Variants in TRIM36 observed in about 807,000 individuals in gnomAD.
The protein encoded by TRIM36 is tripartite motif containing 36.
Under a neutral mutation model 72.4 loss-of-function variants are expected in TRIM36, and 42 were observed. The ratio of observed to expected loss-of-function variants is 0.58; its 90% confidence interval spans 0.45 to 0.75. The LOEUF (loss-of-function observed/expected upper bound fraction) is 0.75, where lower values mean the gene tolerates loss of function less well. Among genes scored for constraint, TRIM36 ranks in the 30% least tolerant of loss-of-function variants. The probability of loss-of-function intolerance (pLI) is 0.00; values close to 1 mark genes in which losing one functional copy is unlikely to be tolerated. For synonymous variants in TRIM36, 315 were observed against 282.8 expected (o/e 1.11, Z -1.14); for missense variants, 913 against 857.1 (o/e 1.07, Z -0.81).
chr5:115,156,391 G>A (rs1434306202), intron 2 of TRIM36, among the ~76,000 whole-genome samples: 1 of 152,020 alleles, frequency 6.6e-6, no homozygotes, highest in Non-Finnish European at 1.5e-5. Context: ...AAATCTGAAG[G>A]CATCACATTG....
rs1386141427 is a variant in TRIM36, at chr5:115,125,838, G to A, written c.*665C>T. ...ATGCTTACTACCCATGCTGTTAAAT[G>A]AGTGTTATGGCTAAGCAGACTCTTA... is the stretch of plus-strand genomic sequence containing the variant. On this transcript the variant is annotated 3_prime_UTR_variant, in exon 10 of 10. Transcript: ENST00000513154. 3 of 152,098 alleles carry A rather than the reference G, an allele frequency of 2.0e-5. No individual in the cohort carries two copies. The highest frequency in any genetic ancestry group is 4.1e-4 in the South Asian group (2 of 4,830). The allele number at this position is 152,098 out of a possible 1,614,324, so 9.4% of individuals were successfully genotyped here.
upstream of TRIM36, among the ~76,000 whole-genome samples, chr5:115,172,842 G>C (rs1034439212): frequency 2.0e-5 from 3 of 152,126 alleles, no homozygotes; most frequent in African/African-American, 2.4e-5. Context: ...ATCTGGAATA[G>C]AGCACAAAAT....
rs985503822 is a variant in TRIM36, at chr5:115,150,751, G to A, written c.263-3357C>T. ...TGGAACTGGGAAAGGGAGATTGTCTGCCCCTGAACACACCTCCACTGGGGA... is the reference window on the plus strand; with the variant it reads ...TGGAACTGGGAAAGGGAGATTGTCTACCCCTGAACACACCTCCACTGGGGA... On this transcript the variant is annotated intron_variant, in intron 2 of 9. Transcript: ENST00000513154. Among the ~76,000 whole-genome samples, 2 of 152,180 alleles carry A rather than the reference G, an allele frequency of 1.3e-5. 1 individual carries two copies. Among genetic ancestry groups the A allele is most frequent in the Admixed American group, 1.3e-4 (2 of 15,272 alleles).
chr5:115,141,802 TAGG>T (rs1240544738), intron 4 of TRIM36, among the ~76,000 whole-genome samples: 2 of 152,006 alleles, frequency 1.3e-5, no homozygotes, highest in African/African-American at 4.8e-5. Flanking sequence ...CTATACACAA[TAGG>T]AGTAGCAACA....
chr5:115,158,891 T>C (rs900293098), intron 2 of TRIM36, among the ~76,000 whole-genome samples: 23 of 152,190 alleles, frequency 1.5e-4, no homozygotes, highest in African/African-American at 5.5e-4. Context: ...TTAAGATTTT[T>C]AAATCAAGAA....
At chr5:115,157,146 TA>T (rs757876573) in intron 2 of TRIM36, among the ~76,000 whole-genome samples, 1,273 of 126,672 alleles carry the variant, frequency 0.01, 17 homozygotes, top group African/African-American at 0.032. Context: ...ATGGCCATAA[TA>T]AAAAAAAAAA....
chr5:115,164,503 G>A (rs900305319), intron 1 of TRIM36, among the ~76,000 whole-genome samples: 2 of 152,212 alleles, frequency 1.3e-5, no homozygotes, highest in Non-Finnish European at 2.9e-5. Flanking sequence ...GCAGATCTGT[G>A]TTACGTGGTG....
At chr5:115,139,862 A>T (rs1215106328) in intron 5 of TRIM36, among the ~76,000 whole-genome samples, 1 of 152,210 alleles carries the variant, frequency 6.6e-6, no homozygotes, top group Non-Finnish European at 1.5e-5. Context: ...TAAGTTCCTC[A>T]ATTTTTAACC....
rs942649861 is a variant in TRIM36, at chr5:115,141,436, ATTT to A, written c.736-65_736-63del. ...GGGAGTTTAGCAAAGACTTTGCAGA[ATTT>A]TTTTTTAATTACACAGGACTCATCC... On this transcript the variant is annotated intron_variant, in intron 4 of 9. Transcript: ENST00000513154. 7 of 1,176,532 alleles carry A rather than the reference ATTT, an allele frequency of 5.9e-6. No homozygotes were observed. The Admixed American group carries it at 1.7e-4, about 28-fold the overall frequency. The allele number at this position is 1,176,532 out of a possible 1,614,324, so 72.9% of individuals were successfully genotyped here.
At chr5:115,154,120 A>G (rs768070127) in intron 2 of TRIM36, among the ~76,000 whole-genome samples, 3 of 152,210 alleles carry the variant, frequency 2.0e-5, no homozygotes, top group Non-Finnish European at 4.4e-5. Context: ...ATGAAATTTA[A>G]AAATTCTTCA....
intron 1 of TRIM36, chr5:115,177,841 T>C (rs1190996143): frequency 1.9e-6 from 3 of 1,614,130 alleles, no homozygotes; most frequent in Non-Finnish European, 2.5e-6. Flanking sequence ...CCGGGAATGC[T>C]CATGGGTTTG....
At chr5:115,165,267 C>T (rs1220317355) in intron 1 of TRIM36, among the ~76,000 whole-genome samples, 1 of 152,204 alleles carries the variant, frequency 6.6e-6, no homozygotes, top group Non-Finnish European at 1.5e-5. Context: ...GGGAGTGCCC[C>T]AGTGGGGACT....
Position 115,154,722 on chromosome 5 carries a change from C to T in TRIM36, c.263-7328G>A, listed in dbSNP as rs142248219. Among the ~76,000 whole-genome samples the T allele has an allele frequency of 3.1e-3, 465 of 152,212 alleles. 1 individual carries two copies. The highest frequency in any genetic ancestry group is 0.01 in the African/African-American group (429 of 41,540). ...AATTATCAACAAAAAAAGTCCAGGA[C>T]CAGATGGATTCACAGCAGAATTCGA... On this transcript the variant is annotated intron_variant, in intron 2 of 9. Coordinates refer to ENST00000513154, the MANE Select transcript of TRIM36 (RefSeq NM_001300759.2).
At chr5:115,168,672 C>T (rs1754917519) in intron 1 of TRIM36, among the ~76,000 whole-genome samples, 1 of 152,230 alleles carries the variant, frequency 6.6e-6, no homozygotes, top group Non-Finnish European at 1.5e-5. Flanking sequence ...GCCATATCAC[C>T]TCCCAACTGT....
intron 4 of TRIM36, among the ~76,000 whole-genome samples, chr5:115,141,943 C>T (rs1580659734): frequency 6.6e-6 from 1 of 152,088 alleles, no homozygotes; most frequent in Non-Finnish European, 1.5e-5. Flanking sequence ...GTAAGGAAGA[C>T]CTTTTTAAAT....
chr5:115,152,619 A>G lies in TRIM36; in HGVS notation c.263-5225T>C, dbSNP rs191716059. Among the ~76,000 whole-genome samples the G allele has an allele frequency of 2.8e-3, 422 of 152,320 alleles. 4 individuals are homozygous for G. Among genetic ancestry groups the G allele is most frequent in the Middle Eastern group, 0.014 (4 of 294 alleles). On this transcript the variant is annotated intron_variant, in intron 2 of 9. Coordinates refer to ENST00000513154, the MANE Select transcript of TRIM36 (RefSeq NM_001300759.2). ...AAAGAATCTTAAGAGCTGTGACACA[A>G]AAGTACCAGGTAACCTAGGGAAAAC... is the stretch of plus-strand genomic sequence containing the variant.
chr5:115,160,992 C>G (rs1021583531), intron 2 of TRIM36, among the ~76,000 whole-genome samples: 8 of 152,204 alleles, frequency 5.3e-5, no homozygotes, highest in African/African-American at 1.7e-4. Context: ...ACTGCAATGA[C>G]TTCTACTAGT....
chr5:115,169,638 T>A lies in TRIM36; in HGVS notation c.-4A>T, dbSNP rs1218789616. ...AATCTGAGCCATCGCCCTCCATGGC[T>A]GCCTTCTGCCAGGTGTCATCAGCGG... On this transcript the variant is annotated 5_prime_UTR_variant, in exon 1 of 10. Coordinates refer to ENST00000513154, the MANE Select transcript of TRIM36 (RefSeq NM_001300759.2). The A allele has an allele frequency of 6.6e-7, 1 of 1,523,604 alleles. No homozygotes were observed. Among genetic ancestry groups the A allele is most frequent in the Non-Finnish European group, 8.8e-7 (1 of 1,141,414 alleles). The allele number at this position is 1,523,604 out of a possible 1,614,324, so 94.4% of individuals were successfully genotyped here. A position where few individuals can be genotyped will look rare whatever the true frequency, so the allele number is the denominator to read the frequency against.
At chr5:115,170,520 C>G (rs1016331686), upstream of TRIM36, among the ~76,000 whole-genome samples, 16 of 152,116 alleles carry the variant, frequency 1.1e-4, no homozygotes, top group Admixed American at 7.9e-4. Flanking sequence ...CCTAGCCAGG[C>G]GCGGCCTGGG....
Sources: allele counts gnomAD v4.1 joint callset (sites outside exome capture counted in the v4.1 genomes callset), GRCh38; gene constraint gnomAD v4.1.1; transcripts MANE v1.5; gene names NCBI Gene and HGNC (gene_info 2026-07-23, HGNC 2026-07-21).